Variants in CYP24A1 observed in about 807,000 individuals in gnomAD.
CYP24A1 encodes the protein 1,25-dihydroxyvitamin D(3) 24-hydroxylase, mitochondrial.
A neutral mutation model predicts 62.4 loss-of-function variants in CYP24A1; 68 were observed. The ratio of observed to expected loss-of-function variants is 1.09; its 90% CI spans 0.90 to 1.33. The LOEUF (loss-of-function observed/expected upper bound fraction) is 1.33, where lower values mean the gene tolerates loss of function less well. Among genes scored for constraint, CYP24A1 ranks in the 40% most tolerant of loss-of-function variants. CYP24A1 has a pLI of 0.00. For missense variants in CYP24A1, 787 were observed against 653.0 expected (o/e 1.21, Z -2.24); for synonymous variants, 267 against 253.0 (o/e 1.06, Z -0.52).
intron 3 of CYP24A1, 104 bp downstream of exon 3, chr20:54,171,473 A>G: frequency 6.2e-7 from 1 of 1,606,492 alleles, no homozygotes; most frequent in Non-Finnish European, 8.5e-7. Context: ...GAATCACCCG[A>G]ATTGCATTCT....
downstream of CYP24A1, among the ~76,000 whole-genome samples, chr20:54,150,541 G>A (rs1297558405): frequency 6.6e-6 from 1 of 152,076 alleles, no homozygotes; most frequent in Non-Finnish European, 1.5e-5. Flanking sequence ...GGCCAGGCTG[G>A]TCTCGAACCC....
At chr20:54,168,656 C>G (rs2092680848) in intron 4 of CYP24A1, among the ~76,000 whole-genome samples, 1 of 152,168 alleles carries the variant, frequency 6.6e-6, no homozygotes, top group African/African-American at 2.4e-5. Flanking sequence ...CTCTTTCATT[C>G]TTTCATGTTA....
At chr20:54,145,429 C>T in the CYP24A1 span, among the ~76,000 whole-genome samples, 1 of 152,012 alleles carries the variant, frequency 6.6e-6, no homozygotes, top group South Asian at 2.1e-4. Flanking sequence ...CATTTGAGGT[C>T]AGGAGTTGGA....
intron 7 of CYP24A1, among the ~76,000 whole-genome samples, chr20:54,161,491 G>A (rs1399605493): frequency 6.6e-6 from 1 of 152,006 alleles, no homozygotes; most frequent in Admixed American, 6.6e-5. Flanking sequence ...GGTTCATGGT[G>A]GTCTCTCAAG....
At chr20:54,151,220 TC>T (rs2092611955), downstream of CYP24A1, among the ~76,000 whole-genome samples, 1 of 152,162 alleles carries the variant, frequency 6.6e-6, no homozygotes, top group South Asian at 2.1e-4. Context: ...TGAGGGTTCC[TC>T]CCCCTTTTAG....
In CYP24A1 at chr20:54,168,711, TCTTTC is replaced by T. The variant is rs1427221702; in HGVS notation, c.640+876_640+880del. ...TTTCTTCTTTATTTCTTTTCTTTTT[TCTTTC>T]CTTTCTCTTTTTCTTTTCCTTCCCT... is the stretch of plus-strand genomic sequence containing the variant. On this transcript the variant is annotated intron_variant, in intron 4 of 11. Coordinates refer to ENST00000216862, the MANE Select transcript of CYP24A1 (RefSeq NM_000782.5). Among the ~76,000 whole-genome samples the T allele has an allele frequency of 2.1e-3, 318 of 152,028 alleles. 2 individuals carry two copies. The highest frequency in any genetic ancestry group is 0.02 in the Admixed American group (300 of 15,204).
rs2092657942 is a variant in CYP24A1, at chr20:54,162,833, T to C, written c.874A>G (p.Lys292Glu). ...VKACIDNRLE[K>E]YSQQPSADFL... is the part of the protein sequence containing the mutation. ...TCTGCACTAGGCTGCTGAGAATACT[T>C]CTCTAACCGGTTGTCGATACAAGCT... The change falls in exon 7 of 12, where the codon AAG becomes GAG. Residue 292 changes from lysine (K) to glutamate (E), a missense_variant. Coordinates refer to ENST00000216862, the MANE Select transcript of CYP24A1 (RefSeq NM_000782.5). 1 of 1,573,932 alleles carries C rather than the reference T, an allele frequency of 6.4e-7. No individual in the cohort carries two copies. The highest frequency in any genetic ancestry group is 8.7e-7 in the Non-Finnish European group (1 of 1,143,514).
chr20:54,162,813 A>T lies in CYP24A1; in HGVS notation c.894T>A (p.Ser298Arg). 1 of 1,549,814 alleles carries T rather than the reference A, an allele frequency of 6.5e-7. No individual in the cohort carries two copies. Among genetic ancestry groups the T allele is most frequent in the Non-Finnish European group, 8.9e-7 (1 of 1,121,374 alleles). The stretch of plus-strand genomic sequence containing the variant: ...GATAAATGTCACAAAGGAAATCTGC[A>T]CTAGGCTGCTGAGAATACTTCTCTA... ...NRLEKYSQQPSADFLCDIYHQ... is the reference protein window; with the variant it reads ...NRLEKYSQQPRADFLCDIYHQ... The change falls in exon 7 of 12, where the codon AGT becomes AGA. Residue 298 changes from serine (S) to arginine (R), a missense_variant. By Grantham distance (110) the Ser-to-Arg change is moderately radical. Transcript: ENST00000216862.
intron 11 of CYP24A1, among the ~76,000 whole-genome samples, chr20:54,156,000 A>G (rs1249797979): frequency 6.6e-6 from 1 of 152,212 alleles, no homozygotes. Context: ...GGAACATGAG[A>G]ACTCCTCTAT....
At chr20:54,144,024 C>A in the CYP24A1 span, among the ~76,000 whole-genome samples, 3 of 152,082 alleles carry the variant, frequency 2.0e-5, no homozygotes, top group Non-Finnish European at 4.4e-5. Context: ...AAACCAGTAA[C>A]CATGAAGGAA....
At chr20:54,143,889 A>G in the CYP24A1 span, among the ~76,000 whole-genome samples, 3 of 152,212 alleles carry the variant, frequency 2.0e-5, no homozygotes, top group African/African-American at 4.8e-5. Flanking sequence ...GTTTTAAAAA[A>G]TCGTAAGTGA....
the CYP24A1 span, among the ~76,000 whole-genome samples, chr20:54,144,239 T>C: frequency 6.6e-6 from 1 of 150,422 alleles, no homozygotes; most frequent in Non-Finnish European, 1.5e-5. Flanking sequence ...TTAGACAAGG[T>C]CTCACTCTTC....
In CYP24A1 at chr20:54,165,141, G is replaced by C. The variant is rs183158421; in HGVS notation, c.733-578C>G. Among the ~76,000 whole-genome samples, 79 of 152,362 alleles carry C rather than the reference G, an allele frequency of 5.2e-4. 2 individuals carry two copies. Among genetic ancestry groups the C allele is most frequent in the Admixed American group, 4.1e-3 (63 of 15,310 alleles). On this transcript the variant is annotated intron_variant, in intron 5 of 11. Coordinates refer to ENST00000216862, the MANE Select transcript of CYP24A1 (RefSeq NM_000782.5). ...ACCCCCAGGCCGTGAACCAGTACTG[G>C]TCAGTGGCCTGTTAGGAACGGGGCC...
chr20:54,165,645 T>C, intron 5 of CYP24A1, 97 bp downstream of exon 5: 1 of 797,572 alleles, frequency 1.3e-6, no homozygotes, highest in Non-Finnish European at 2.2e-6. Context: ...ATAAAATATG[T>C]GTGTATGCCA....
At chr20:54,168,621 T>C (rs2092680752) in intron 4 of CYP24A1, among the ~76,000 whole-genome samples, 1 of 152,198 alleles carries the variant, frequency 6.6e-6, no homozygotes, top group Non-Finnish European at 1.5e-5. Context: ...ACCTCAAATG[T>C]CTTCTTACTA....
At chr20:54,150,205 C>T (rs73912628), downstream of CYP24A1, among the ~76,000 whole-genome samples, 9 of 152,178 alleles carry the variant, frequency 5.9e-5, no homozygotes, top group African/African-American at 9.6e-5. Flanking sequence ...TAAAGTTTAC[C>T]GTAACTCTAA....
At chr20:54,168,071 T>C (rs2092678760) in intron 4 of CYP24A1, among the ~76,000 whole-genome samples, 1 of 152,130 alleles carries the variant, frequency 6.6e-6, no homozygotes, top group Non-Finnish European at 1.5e-5. Flanking sequence ...GCAGGGACAC[T>C]CTCCTTCCTC....
In CYP24A1 at chr20:54,164,541, A is replaced by T; in HGVS notation, c.755T>A (p.Met252Lys). The change falls in exon 6 of 12, where the codon ATG (methionine) becomes AAG (lysine). Residue 252 changes from methionine to lysine, a missense_variant. Met to Lys is a moderately conservative substitution (Grantham distance 95, BLOSUM62 -1). Transcript: ENST00000216862. ...GTGCAGCTCGACTGGAGTGACCATC[A>T]TCCTCCCAAACGTGCTCATCATCTG... ...IKTMMSTFGR[M>K]MVTPVELHKS... 6.2e-7 allele frequency: 1 copy of T among 1,614,154 alleles called. No individual in the cohort carries two copies. The highest frequency in any genetic ancestry group is 8.5e-7 in the Non-Finnish European group (1 of 1,180,030).
At chr20:54,158,189 A>C in intron 8 of CYP24A1, 25 bp from the exon 9 acceptor site, 1 of 1,613,136 alleles carries the variant, frequency 6.2e-7, no homozygotes, top group Non-Finnish European at 8.5e-7. Flanking sequence ...TCAAAGATGT[A>C]AAGGTGAGCA....
Sources: gnomAD v4.1 joint callset for allele counts (sites outside exome capture counted in the v4.1 genomes callset) on GRCh38, gnomAD v4.1.1 for gene constraint, MANE v1.5 for transcripts, NCBI Gene and HGNC (gene_info 2026-07-23, HGNC 2026-07-21) for gene names.